The following OSBPL1A variants were observed in gnomAD, a reference collection of about 807,000 sequenced individuals.
OSBPL1A encodes the protein oxysterol-binding protein-related protein 1.
Under a neutral mutation model 137.1 loss-of-function variants are expected in OSBPL1A, and 80 were observed. That is an observed-to-expected ratio of 0.58 (90% CI 0.49 to 0.70). OSBPL1A has a LOEUF of 0.70. Among genes scored for constraint, OSBPL1A ranks in the 30% least tolerant of loss-of-function variants. The pLI is 0.00. For missense variants in OSBPL1A, 970 were observed against 1,129.4 expected, an observed-to-expected ratio of 0.86 and a Z score of 2.02; for synonymous variants, 365 against 389.7, an observed-to-expected ratio of 0.94 and a Z score of 0.75.
intron 7 of OSBPL1A, among the ~76,000 whole-genome samples, chr18:24,332,299 T>G (rs545431949): frequency 4.4e-4 from 61 of 139,456 alleles, no homozygotes; most frequent in African/African-American, 1.6e-3. Flanking sequence ...GGCAGAAGAA[T>G]CACTTGAACC....
chr18:24,344,424 G>T (rs1156512034), intron 4 of OSBPL1A, among the ~76,000 whole-genome samples: 1 of 152,220 alleles, frequency 6.6e-6, no homozygotes, highest in South Asian at 2.1e-4. Flanking sequence ...CTGCACTCCA[G>T]TCTGGGCAAC....
intron 15 of OSBPL1A, among the ~76,000 whole-genome samples, chr18:24,252,463 T>C (rs2089126203): frequency 1.3e-5 from 2 of 152,016 alleles, no homozygotes; most frequent in South Asian, 4.2e-4. Flanking sequence ...CCTAGAATAG[T>C]ATATCTTGCA....
At chr18:24,248,163 T>C (rs1267504359) in intron 15 of OSBPL1A, among the ~76,000 whole-genome samples, 1 of 152,194 alleles carries the variant, frequency 6.6e-6, no homozygotes, top group Non-Finnish European at 1.5e-5. Flanking sequence ...GTAACCAAGT[T>C]TTCTTCTAAT....
At chr18:24,226,466 A>G (rs2088079877) in intron 16 of OSBPL1A, among the ~76,000 whole-genome samples, 1 of 152,264 alleles carries the variant, frequency 6.6e-6, no homozygotes, top group Admixed American at 6.5e-5. Context: ...CATCTTAAGC[A>G]GAGGACAAGC....
chr18:24,164,960 TAGATAGGCC>T, intron 27 of OSBPL1A, 96 bp downstream of exon 27: 1 of 1,133,190 alleles, frequency 8.8e-7, no homozygotes, highest in Non-Finnish European at 1.3e-6. Flanking sequence ...GGGTTTGTGT[TAGATAGGCC>T]CTTGCTCTGG....
chr18:24,286,771 T>A (rs2090072471), intron 14 of OSBPL1A, among the ~76,000 whole-genome samples: 1 of 152,196 alleles, frequency 6.6e-6, no homozygotes, highest in African/African-American at 2.4e-5. Flanking sequence ...TTCAGAATTA[T>A]GATCAATGAG....
intron 16 of OSBPL1A, among the ~76,000 whole-genome samples, chr18:24,237,554 C>T (rs1434956297): frequency 1.3e-5 from 2 of 152,216 alleles, no homozygotes; most frequent in African/African-American, 4.8e-5. Context: ...GTCCTCCTGC[C>T]TTGGCCTCCC....
At chr18:24,305,876 T>G (rs981703841) in intron 13 of OSBPL1A, among the ~76,000 whole-genome samples, 1 of 152,190 alleles carries the variant, frequency 6.6e-6, no homozygotes, top group Admixed American at 6.5e-5. Context: ...CCTGCTGCCA[T>G]GTAAGACATG....
At chr18:24,185,110 G>A (rs1026991231) in intron 18 of OSBPL1A, among the ~76,000 whole-genome samples, 10 of 152,136 alleles carry the variant, frequency 6.6e-5, no homozygotes, top group African/African-American at 1.9e-4. Context: ...TGGATAAGAC[G>A]AAACTATGGA....
At chr18:24,372,054 CTGAT>C (rs1217266058) in intron 2 of OSBPL1A, among the ~76,000 whole-genome samples, 17 of 151,896 alleles carry the variant, frequency 1.1e-4, no homozygotes, top group Non-Finnish European at 2.1e-4. Context: ...GGCGGATAGA[CTGAT>C]TGAGGTCAGG....
chr18:24,329,141 G>C (rs539481223), intron 7 of OSBPL1A, among the ~76,000 whole-genome samples: 68 of 152,186 alleles, frequency 4.5e-4, no homozygotes, highest in Non-Finnish European at 7.8e-4. Context: ...CAGCTACGTA[G>C]GAGGCTGAGG....
At chr18:24,197,473 T>A (rs988647371) in intron 17 of OSBPL1A, among the ~76,000 whole-genome samples, 2 of 152,258 alleles carry the variant, frequency 1.3e-5, no homozygotes, top group Non-Finnish European at 2.9e-5. Context: ...ACTAATTAAT[T>A]TGGATTATAG....
intron 4 of OSBPL1A, chr18:24,366,682 T>C: frequency 2.4e-6 from 1 of 408,994 alleles, no homozygotes; most frequent in Middle Eastern, 3.1e-4. Context: ...CTCACAGGGA[T>C]GCTACAGAGT....
intron 4 of OSBPL1A, among the ~76,000 whole-genome samples, 179 bp from the exon 5 acceptor site, chr18:24,341,837 C>A (rs112293972): frequency 6.6e-6 from 1 of 152,318 alleles, no homozygotes. Context: ...TACTTGACAA[C>A]TGCCTAAACA....
rs137970205 is a variant in OSBPL1A, at chr18:24,188,810, G to A, written c.1677+7315C>T. On this transcript the variant is annotated intron_variant, in intron 18 of 27. Coordinates refer to ENST00000319481, the MANE Select transcript of OSBPL1A (RefSeq NM_080597.4). ...TCCCTAGAGAGGTAGTGAAAAACTC[G>A]CTGACACAAGGTGTATTTTATTTCC... Among the ~76,000 whole-genome samples the A allele has an allele frequency of 3.9e-5, 6 of 152,222 alleles. No homozygotes were observed. The East Asian group carries it at 5.8e-4, about 15-fold the overall frequency.
intron 21 of OSBPL1A, among the ~76,000 whole-genome samples, chr18:24,175,115 T>TATATATATATATATATAC (rs2086402781): frequency 2.1e-4 from 6 of 29,186 alleles, no homozygotes; most frequent in African/African-American, 4.2e-4. Context: ...TATGTATATA[T>TATATATATATATATATAC]ATATATATAT....
rs369387450 is a variant in OSBPL1A at position 24,204,370 on chromosome 18, T to C, written c.1602-8170A>G. Among the ~76,000 whole-genome samples, 5 of 152,228 alleles carry C rather than the reference T, an allele frequency of 3.3e-5. No homozygotes were observed. In the East Asian group the frequency reaches 9.6e-4, roughly 29 times the overall value. ...TGCCTATTTATAACATCTATACCGCTGGATTTTTTTGTTATTTAGTAAGAA... is the reference window on the plus strand; with the variant it reads ...TGCCTATTTATAACATCTATACCGCCGGATTTTTTTGTTATTTAGTAAGAA... On this transcript the variant is annotated intron_variant, in intron 17 of 27. Coordinates refer to ENST00000319481, the MANE Select transcript of OSBPL1A (RefSeq NM_080597.4).
chr18:24,215,930 G>A (rs781116709), intron 17 of OSBPL1A, among the ~76,000 whole-genome samples: 14 of 152,152 alleles, frequency 9.2e-5, no homozygotes, highest in Non-Finnish European at 2.1e-4. Flanking sequence ...AAGAATATAC[G>A]TTTTAATAAA....
intron 2 of OSBPL1A, among the ~76,000 whole-genome samples, chr18:24,373,776 A>AC (rs982576325): frequency 6.6e-6 from 1 of 151,890 alleles, no homozygotes; most frequent in Non-Finnish European, 1.5e-5. Context: ...CCGGGAAGGA[A>AC]CCCCCCACAT....
Sources: gnomAD v4.1 joint callset for allele counts (sites outside exome capture counted in the v4.1 genomes callset) on GRCh38, gnomAD v4.1.1 for gene constraint, MANE v1.5 for transcripts, NCBI Gene and HGNC (gene_info 2026-07-23, HGNC 2026-07-21) for gene names.